The following EGLN1 variants were observed in gnomAD, a reference collection of about 807,000 sequenced individuals.
EGLN1 encodes the protein egl-9 family hypoxia inducible factor 1.
EGLN1 carries 17 observed loss-of-function variants against 38.3 expected under a neutral mutation model. The ratio of observed to expected loss-of-function variants is 0.44; its 90% CI spans 0.30 to 0.67. EGLN1 has a LOEUF of 0.67. Ranked by LOEUF, EGLN1 falls within the 30% of genes least tolerant of loss-of-function variation. The probability of loss-of-function intolerance (pLI) is 0.08; values close to 1 mark genes in which losing one functional copy is unlikely to be tolerated. For missense variants in EGLN1, 477 were observed against 603.3 expected, an observed-to-expected ratio of 0.79 and a Z score of 2.19; for synonymous variants, 283 against 257.5, an observed-to-expected ratio of 1.10 and a Z score of -0.95.
Position 231,421,946 on chromosome 1 carries a change from G to A in EGLN1, c.-58C>T, listed in dbSNP as rs911367847. ...CGGCCGAGCAGGAGGGGTAGCGGCC[G>A]GACGGCCTCGCCCGAGGCTGGGGAG... On this transcript the variant is annotated 5_prime_UTR_variant, in exon 1 of 5. Coordinates refer to ENST00000366641, the MANE Select transcript of EGLN1 (RefSeq NM_022051.3). The surrounding 1 kb of genome is among the most constrained non-coding windows in gnomAD (Gnocchi z 5.5). The A allele has an allele frequency of 9.0e-6, 12 of 1,337,474 alleles. No homozygotes were observed. The highest frequency in any genetic ancestry group is 7.9e-5 in the South Asian group (4 of 50,848). The allele number at this position is 1,337,474 out of a possible 1,614,324, so 82.9% of individuals were successfully genotyped here. A position where few individuals can be genotyped will look rare whatever the true frequency, so the allele number is the denominator to read the frequency against.
intron 1 of EGLN1, among the ~76,000 whole-genome samples, chr1:231,392,273 C>T (rs924002364): frequency 5.9e-5 from 9 of 151,496 alleles, no homozygotes; most frequent in African/African-American, 1.7e-4. Flanking sequence ...GGCGACAGAG[C>T]GAGACTCTGT....
chr1:231,418,655 G>A (rs1488094248), intron 1 of EGLN1, among the ~76,000 whole-genome samples: 3 of 152,110 alleles, frequency 2.0e-5, no homozygotes, highest in Non-Finnish European at 4.4e-5. Flanking sequence ...CCTGAGCCGA[G>A]GAGTTCGAGA....
intron 1 of EGLN1, among the ~76,000 whole-genome samples, chr1:231,403,592 G>A (rs748237922): frequency 6.6e-5 from 10 of 151,494 alleles, no homozygotes; most frequent in Admixed American, 1.3e-4. Flanking sequence ...CTAACATGGC[G>A]AAACCCTGTC....
intron 1 of EGLN1, among the ~76,000 whole-genome samples, chr1:231,404,569 T>G (rs1227767361): frequency 6.6e-6 from 1 of 151,882 alleles, no homozygotes; most frequent in South Asian, 2.1e-4. Context: ...CTTGAGGTCA[T>G]GAGTTCAAGA....
intron 1 of EGLN1, among the ~76,000 whole-genome samples, chr1:231,407,693 C>T (rs922629668): frequency 4.6e-5 from 7 of 152,194 alleles, no homozygotes; most frequent in Admixed American, 1.3e-4. Flanking sequence ...AGTTCTATTG[C>T]AGTTCATAAC....
At chr1:231,392,097 C>G (rs1490760108) in intron 1 of EGLN1, among the ~76,000 whole-genome samples, 1 of 152,060 alleles carries the variant, frequency 6.6e-6, no homozygotes, top group African/African-American at 2.4e-5. Flanking sequence ...ACCATCCTGG[C>G]TAACATGGTG....
Position 231,421,723 on chromosome 1 carries a change from G to C in EGLN1, c.166C>G (p.Leu56Val). 1 of 1,531,956 alleles carries C rather than the reference G, an allele frequency of 6.5e-7. No homozygotes were observed. Among genetic ancestry groups the C allele is most frequent in the South Asian group, 1.2e-5 (1 of 83,590 alleles). The allele number at this position is 1,531,956 out of a possible 1,614,324, so 94.9% of individuals were successfully genotyped here. A position where few individuals can be genotyped will look rare whatever the true frequency, so the allele number is the denominator to read the frequency against. Residue 56 changes from leucine (L) to valine (V), a missense_variant, in exon 1 of 5, where the codon CTC becomes GTC. Physicochemically the swap from Leu to Val is conservative, Grantham distance 32 (BLOSUM62 1). Around this residue, in one of 4 missense-constraint regions of EGLN1, gnomAD observed 298 missense variants for 288.9 expected, o/e 1.03. Transcript: ENST00000366641. The surrounding 1 kb of genome is among the most constrained non-coding windows in gnomAD (Gnocchi z 5.5). ...GCGCCCTCGCTGCCCTGGCACACGAGCTTGTGCTTCTTCCAGTCCTGACGC... is the reference window on the plus strand; with the variant it reads ...GCGCCCTCGCTGCCCTGGCACACGACCTTGTGCTTCTTCCAGTCCTGACGC... ...HQRQDWKKHK[L>V]VCQGSEGALG...
chr1:231,408,186 G>A lies in EGLN1; in HGVS notation c.891+12812C>T, dbSNP rs549584. On this transcript the variant is annotated intron_variant, in intron 1 of 4. Transcript: ENST00000366641. ...AGAGATCAAAGGACATTCAGAGTTC[G>A]GGAGGATATCTGGGAAGCAGACTTA... is the stretch of plus-strand genomic sequence containing the variant. Among the ~76,000 whole-genome samples, 10 of 152,216 alleles carry A rather than the reference G, an allele frequency of 6.6e-5. 1 individual carries two copies. The East Asian group carries it at 1.7e-3, about 27-fold the overall frequency.
chr1:231,406,441 T>C (rs1018900747), intron 1 of EGLN1, among the ~76,000 whole-genome samples: 7 of 152,134 alleles, frequency 4.6e-5, no homozygotes, highest in African/African-American at 1.4e-4. Flanking sequence ...ATTATCACTA[T>C]ATGGTAGTTT....
In EGLN1 at chr1:231,422,008, C is replaced by T; in HGVS notation, c.-120G>A. The T allele has an allele frequency of 9.0e-7, 1 of 1,108,000 alleles. No homozygotes were observed. Among genetic ancestry groups the T allele is most frequent in the South Asian group, 2.6e-5 (1 of 38,652 alleles). 68.6% of individuals were successfully genotyped at this position (1,108,000 alleles called of 1,614,324 possible). ...ATAGGGGCCGTTACTGCGCCATGCA[C>T]CCGCTACCCTCGCCTCAGGGAGGCC... On this transcript the variant is annotated 5_prime_UTR_variant, in exon 1 of 5. In the 5' UTR this introduces an upstream ATG that the reference lacks. Coordinates refer to ENST00000366641, the MANE Select transcript of EGLN1 (RefSeq NM_022051.3).
intron 1 of EGLN1, among the ~76,000 whole-genome samples, chr1:231,418,783 G>A (rs1358570465): frequency 6.6e-6 from 1 of 151,322 alleles, no homozygotes; most frequent in Non-Finnish European, 1.5e-5. Context: ...GATAGCTTGA[G>A]TCCAGGAGGT....
intron 1 of EGLN1, among the ~76,000 whole-genome samples, chr1:231,413,980 G>A (rs1000703230): frequency 1.4e-5 from 2 of 147,156 alleles, no homozygotes; most frequent in African/African-American, 5.2e-5. Context: ...GAAGTACAAA[G>A]GTGGCAGAAA....
chr1:231,400,266 T>A (rs1688630659), intron 1 of EGLN1, among the ~76,000 whole-genome samples: 1 of 151,090 alleles, frequency 6.6e-6, no homozygotes, highest in Admixed American at 6.6e-5. Flanking sequence ...TCCAGGAAAT[T>A]GTCTTTAAAT....
chr1:231,412,566 G>A (rs1688981610), intron 1 of EGLN1, among the ~76,000 whole-genome samples: 2 of 152,196 alleles, frequency 1.3e-5, no homozygotes, highest in Admixed American at 1.3e-4. Flanking sequence ...CACTAAAAGT[G>A]TTGCAAGGTT....
chr1:231,384,790 G>C (rs917447777), intron 1 of EGLN1, among the ~76,000 whole-genome samples: 1 of 152,214 alleles, frequency 6.6e-6, no homozygotes, highest in Non-Finnish European at 1.5e-5. Flanking sequence ...AAGTAAAGCT[G>C]TATTGGAATG....
intron 3 of EGLN1, among the ~76,000 whole-genome samples, chr1:231,368,882 C>G (rs775487671): frequency 1.3e-5 from 2 of 152,150 alleles, no homozygotes; most frequent in Non-Finnish European, 2.9e-5. Context: ...TCTGCTCTTT[C>G]CAGAGTTCCA....
intron 1 of EGLN1, 79 bp downstream of exon 1, chr1:231,420,919 G>C (rs955873402): frequency 1.9e-6 from 3 of 1,612,246 alleles, no homozygotes; most frequent in African/African-American, 1.3e-5. Flanking sequence ...CTGCTTCTCA[G>C]CCTAGGCAGT....
At chr1:231,397,621 G>A (rs1381661358) in intron 1 of EGLN1, among the ~76,000 whole-genome samples, 2 of 152,154 alleles carry the variant, frequency 1.3e-5, no homozygotes, top group African/African-American at 4.8e-5. Context: ...CCCTTTGGGA[G>A]TCACCTGACC....
chr1:231,393,457 C>T (rs534592994), intron 1 of EGLN1, among the ~76,000 whole-genome samples: 4 of 152,236 alleles, frequency 2.6e-5, no homozygotes, highest in South Asian at 2.1e-4. Flanking sequence ...TTACTAGCTG[C>T]GTGGCCCTGG....
Sources: allele counts gnomAD v4.1 joint callset (sites outside exome capture counted in the v4.1 genomes callset), GRCh38; gene constraint gnomAD v4.1.1; regional missense constraint gnomAD v4.1.1; non-coding constraint Gnocchi (gnomAD v3.1); transcripts MANE v1.5; gene names NCBI Gene and HGNC (gene_info 2026-07-23, HGNC 2026-07-21).